Variants in LCOR observed in about 807,000 individuals in gnomAD.
LCOR encodes the protein ligand dependent nuclear receptor corepressor.
A neutral mutation model predicts 64.4 loss-of-function variants in LCOR; 14 were observed. That is an observed-to-expected ratio of 0.22 (90% CI 0.14 to 0.34). LCOR has a LOEUF of 0.34. LCOR is among the 10% of genes least tolerant of loss of function. LCOR has a pLI of 1.00. For synonymous variants in LCOR, 643 were observed against 642.5 expected, an observed-to-expected ratio of 1.00 and a Z score of -0.01; for missense variants, 1,686 against 1,765.3, an observed-to-expected ratio of 0.96 and a Z score of 0.80.
At chr10:96,873,908 GCATC>G (rs1160949981) in intron 2 of LCOR, among the ~76,000 whole-genome samples, 1 of 152,096 alleles carries the variant, frequency 6.6e-6, no homozygotes, top group Non-Finnish European at 1.5e-5. Flanking sequence ...GGAAGGGATA[GCATC>G]ATGGAGTTTT....
At chr10:96,933,141 A>AT (rs1022900892) in intron 4 of LCOR, among the ~76,000 whole-genome samples, 21 of 152,320 alleles carry the variant, frequency 1.4e-4, no homozygotes, top group Middle Eastern at 6.8e-3. Flanking sequence ...GTCTCATTTA[A>AT]TTTTTTTAAG....
At chr10:96,887,697 A>G (rs1048497079) in intron 2 of LCOR, among the ~76,000 whole-genome samples, 82 of 147,060 alleles carry the variant, frequency 5.6e-4, no homozygotes, top group African/African-American at 2.0e-3. Flanking sequence ...TTTTTTTTTT[A>G]ATTGAGACGG....
At chr10:96,835,280 T>A (rs559848340) in intron 2 of LCOR, among the ~76,000 whole-genome samples, 1 of 152,234 alleles carries the variant, frequency 6.6e-6, no homozygotes, top group Admixed American at 6.5e-5. Flanking sequence ...TTTGATTCAT[T>A]TTTTGAAGGC....
At chr10:96,931,781 T>TA (rs1463047345) in intron 4 of LCOR, among the ~76,000 whole-genome samples, 1 of 152,184 alleles carries the variant, frequency 6.6e-6, no homozygotes, top group African/African-American at 2.4e-5. Flanking sequence ...AGTTAGGAAG[T>TA]AAAAGAAAAA....
chr10:96,958,924 A>AC (rs1410728826), intron 7 of LCOR: 1 of 150,916 alleles, frequency 6.6e-6, no homozygotes, highest in Non-Finnish European at 1.5e-5. Flanking sequence ...AAAAAAAAAA[A>AC]AAACAAAAAG....
chr10:96,956,476 A>G (rs1847786021), intron 7 of LCOR: 1 of 983,942 alleles, frequency 1.0e-6, no homozygotes, highest in South Asian at 4.7e-5. Flanking sequence ...AAATTTGGTT[A>G]TTCACTGACA....
At chr10:96,918,879 G>A (rs1055490303) in intron 4 of LCOR, among the ~76,000 whole-genome samples, 4 of 152,174 alleles carry the variant, frequency 2.6e-5, no homozygotes, top group South Asian at 2.1e-4. Context: ...GGAATAGGCC[G>A]TAGTAACTGT....
intron 4 of LCOR, among the ~76,000 whole-genome samples, chr10:96,935,446 G>A (rs548880734): frequency 6.6e-6 from 1 of 151,810 alleles, no homozygotes; most frequent in South Asian, 2.1e-4. Flanking sequence ...ACTGCGCCTG[G>A]TCATCTCCTG....
At chr10:96,837,270 A>T (rs10882847) in intron 2 of LCOR, among the ~76,000 whole-genome samples, 7 of 149,698 alleles carry the variant, frequency 4.7e-5, no homozygotes, top group Admixed American at 1.3e-4. Flanking sequence ...GATTACAGGC[A>T]TGAGCCACTG....
rs528670229 is a variant in LCOR at position 96,876,753 on chromosome 10, G to A, written c.-329-30512G>A. On this transcript the variant is annotated intron_variant, in intron 2 of 7. Transcript: ENST00000421806. ...TGCCCAGGCTAGAGTGCAGTGGTGCGATCTCAGTTCACTGCAATCTCCGCC... is the reference window on the plus strand; with the variant it reads ...TGCCCAGGCTAGAGTGCAGTGGTGCAATCTCAGTTCACTGCAATCTCCGCC... 2.7e-3 allele frequency among the ~76,000 whole-genome samples: 406 copies of A among 152,104 alleles called. 2 individuals are homozygous for A. The highest frequency in any genetic ancestry group is 2.1e-3 in the South Asian group (10 of 4,806).
chr10:96,956,899 T>C, intron 7 of LCOR: 3 of 985,298 alleles, frequency 3.0e-6, no homozygotes, highest in Non-Finnish European at 3.6e-6. Flanking sequence ...GATCTCTTTA[T>C]TGGGGATGGG....
At chr10:96,913,783 C>T (rs1846887953) in intron 4 of LCOR, among the ~76,000 whole-genome samples, 1 of 152,026 alleles carries the variant, frequency 6.6e-6, no homozygotes, top group South Asian at 2.1e-4. Context: ...TTTTAGCTGA[C>T]TGTGGTGGCC....
At chr10:96,874,047 C>G (rs1172458377) in intron 2 of LCOR, among the ~76,000 whole-genome samples, 1 of 152,010 alleles carries the variant, frequency 6.6e-6, no homozygotes, top group Admixed American at 6.6e-5. Context: ...AAATGATTTG[C>G]TTTACTGAAT....
intron 7 of LCOR, among the ~76,000 whole-genome samples, chr10:96,975,588 TCTC>T (rs1352079423): frequency 6.6e-6 from 1 of 151,504 alleles, no homozygotes; most frequent in Non-Finnish European, 1.5e-5. Context: ...CCCTTTTCCC[TCTC>T]CTCTTTTTTG....
intron 2 of LCOR, among the ~76,000 whole-genome samples, chr10:96,865,387 C>A (rs189461682): frequency 5.8e-4 from 88 of 152,188 alleles, no homozygotes; most frequent in African/African-American, 2.1e-3. Flanking sequence ...TCTGTAAATC[C>A]ATAGCTGTAC....
intron 2 of LCOR, among the ~76,000 whole-genome samples, chr10:96,870,569 TAA>T (rs1193355501): frequency 1.3e-5 from 2 of 152,218 alleles, no homozygotes; most frequent in African/African-American, 4.8e-5. Context: ...CAAGTCTTTT[TAA>T]AGTTTTGAAA....
intron 7 of LCOR, chr10:96,958,384 ACATAAATATTTTC>A (rs1564638788): frequency 6.5e-7 from 1 of 1,528,808 alleles, no homozygotes; most frequent in Non-Finnish European, 8.8e-7. Flanking sequence ...CATTTTACTA[ACATAAATATTTTC>A]TATGTGTGTT....
At chr10:96,957,731 C>T (rs2134538237) in intron 7 of LCOR, 1 of 985,368 alleles carries the variant, frequency 1.0e-6, no homozygotes, top group East Asian at 1.1e-4. Context: ...CCTCAGCAAC[C>T]TGTGTGTTCA....
chr10:96,888,475 T>G (rs1481070990), intron 2 of LCOR, among the ~76,000 whole-genome samples: 1 of 151,356 alleles, frequency 6.6e-6, no homozygotes, highest in Non-Finnish European at 1.5e-5. Context: ...GCATGAGAAC[T>G]TCCCTTAAAA....
Sources: gnomAD v4.1 joint callset for allele counts (sites outside exome capture counted in the v4.1 genomes callset) on GRCh38, gnomAD v4.1.1 for gene constraint, MANE v1.5 for transcripts, NCBI Gene and HGNC (gene_info 2026-07-23, HGNC 2026-07-21) for gene names.